HDAC9: variants seen among roughly 807,000 people sequenced by gnomAD.
HDAC9 encodes histone deacetylase 9.
In HDAC9, 41 loss-of-function variants were observed where a neutral mutation model predicts 139.4. The observed-to-expected ratio is 0.29, with a 90% CI of 0.23 to 0.38. The LOEUF is 0.38. Ranked by LOEUF, HDAC9 falls within the 10% of genes least tolerant of loss-of-function variation. The probability of loss-of-function intolerance (pLI) is 1.00; values close to 1 mark genes in which losing one functional copy is unlikely to be tolerated. For synonymous variants in HDAC9, 517 were observed against 476.2 expected, an observed-to-expected ratio of 1.09 and a Z score of -1.12; for missense variants, 1,147 against 1,297.0, an observed-to-expected ratio of 0.88 and a Z score of 1.78.
rs531864628 is a variant in HDAC9 at position 18,790,922 on chromosome 7, C to G, written c.2215-2423C>G. ...TATTATAAAAGTAACCCCCACCCGGCAACTCACAGTAGGTACTCAATGAAT... is the reference window on the plus strand; with the variant it reads ...TATTATAAAAGTAACCCCCACCCGGGAACTCACAGTAGGTACTCAATGAAT... On this transcript the variant is annotated intron_variant, in intron 16 of 25. Coordinates refer to ENST00000686413, the MANE Select transcript of HDAC9 (RefSeq NM_178425.4). Among the ~76,000 whole-genome samples the G allele has an allele frequency of 4.0e-3, 607 of 152,240 alleles. 3 individuals are homozygous for G. Among genetic ancestry groups the G allele is most frequent in the South Asian group, 0.011 (51 of 4,818 alleles).
At chr7:18,097,860 A>G (rs1403304376) in intron 1 of HDAC9, among the ~76,000 whole-genome samples, 2 of 152,154 alleles carry the variant, frequency 1.3e-5, no homozygotes, top group Non-Finnish European at 2.9e-5. Context: ...CACTGCACCC[A>G]GCCTATATTA....
chr7:18,585,609 T>A (rs1184870452), intron 3 of HDAC9, 87 bp downstream of exon 3: 1 of 1,475,004 alleles, frequency 6.8e-7, no homozygotes, highest in East Asian at 2.3e-5. Flanking sequence ...ACTTTGCGGG[T>A]AGATTCACTG....
intron 1 of HDAC9, among the ~76,000 whole-genome samples, chr7:18,129,166 A>G (rs952544694): frequency 9.2e-5 from 14 of 152,188 alleles, no homozygotes; most frequent in Admixed American, 5.9e-4. Flanking sequence ...GTCACTGAAT[A>G]GATTTCATTA....
chr7:18,180,207 G>A lies in HDAC9; in HGVS notation c.25+17858G>A, dbSNP rs148190239. Reference sequence around the variant, plus strand: ...TTTGTCATGCCAGCATTTCTTGTGAGCACCCTCCCCAAGACACATACACAC... The same window carrying A: ...TTTGTCATGCCAGCATTTCTTGTGAACACCCTCCCCAAGACACATACACAC... On this transcript the variant is annotated intron_variant, in intron 2 of 12. Coordinates refer to the HDAC9 transcript ENST00000417496. 9.5e-3 allele frequency among the ~76,000 whole-genome samples: 1,398 copies of A among 146,598 alleles called. 7 individuals are homozygous for A. The highest frequency in any genetic ancestry group is 0.017 in the Non-Finnish European group (1,112 of 67,124).
intron 1 of HDAC9, among the ~76,000 whole-genome samples, chr7:18,386,249 A>G (rs1187252666): frequency 6.6e-6 from 1 of 152,178 alleles, no homozygotes; most frequent in Non-Finnish European, 1.5e-5. Flanking sequence ...TGGCAGCCCC[A>G]TAATGTGCAC....
At chr7:18,940,447 G>A (rs960748589) in intron 23 of HDAC9, among the ~76,000 whole-genome samples, 3 of 151,998 alleles carry the variant, frequency 2.0e-5, no homozygotes, top group African/African-American at 7.2e-5. Context: ...CTTTTTCTTG[G>A]CAAAGTTTAG....
intron 2 of HDAC9, among the ~76,000 whole-genome samples, chr7:18,219,582 G>C (rs765970417): frequency 1.3e-5 from 2 of 151,990 alleles, no homozygotes; most frequent in Non-Finnish European, 2.9e-5. Flanking sequence ...ATTGAGAGTT[G>C]TCTAGTCTGA....
chr7:18,372,984 T>A (rs1351898651), intron 1 of HDAC9, among the ~76,000 whole-genome samples: 1 of 152,106 alleles, frequency 6.6e-6, no homozygotes, highest in Admixed American at 6.6e-5. Context: ...AAGACTTGAG[T>A]TTTTTAGCCT....
chr7:18,170,015 G>A (rs934413473), intron 2 of HDAC9, among the ~76,000 whole-genome samples: 4 of 152,172 alleles, frequency 2.6e-5, no homozygotes, highest in African/African-American at 9.7e-5. Flanking sequence ...TCTAGTTCTA[G>A]ATCCTTGAGG....
chr7:18,995,208 A>C (rs1464273220), intron 25 of HDAC9, among the ~76,000 whole-genome samples: 1 of 152,188 alleles, frequency 6.6e-6, no homozygotes, highest in African/African-American at 2.4e-5. Flanking sequence ...AAATTAACAA[A>C]TGGCAGAGCT....
chr7:18,358,104 A>ACC lies in HDAC9; in HGVS notation c.-42+67590_-42+67591insCC, dbSNP rs1783471394. ...CTCGGGAGGCTGACGCAGGAGCATC[A>ACC]CTTGAACCCCGGAGGCAGAGGTTGC... On this transcript the variant is annotated intron_variant, in intron 1 of 3. Coordinates refer to the HDAC9 transcript ENST00000413509. Among the ~76,000 whole-genome samples the ACC allele has an allele frequency of 3.3e-5, 5 of 152,224 alleles. No individual in the cohort carries two copies. The East Asian group carries it at 9.7e-4, about 29-fold the overall frequency.
intron 1 of HDAC9, among the ~76,000 whole-genome samples, chr7:18,304,066 G>A (rs1022843177): frequency 6.6e-6 from 1 of 152,210 alleles, no homozygotes; most frequent in Non-Finnish European, 1.5e-5. Context: ...CGTTGACCTG[G>A]GCTCTGCCCA....
In HDAC9 at chr7:18,935,957, G is replaced by A. The variant is rs111275950; in HGVS notation, c.2937+15G>A. ...TAGGAAATGAGGTAAAAAAGTAAAA[G>A]TACAAAGGGGCAGGGGTAAAGAATC... On this transcript the variant is annotated intron_variant, in intron 23 of 25. Coordinates refer to ENST00000686413, the MANE Select transcript of HDAC9 (RefSeq NM_178425.4). The A allele has an allele frequency of 3.4e-5, 54 of 1,608,800 alleles. No individual in the cohort carries two copies. The highest frequency in any genetic ancestry group is 3.2e-4 in the African/African-American group (24 of 74,862).
At chr7:18,809,698 C>G (rs896980763) in intron 17 of HDAC9, among the ~76,000 whole-genome samples, 1 of 151,854 alleles carries the variant, frequency 6.6e-6, no homozygotes, top group African/African-American at 2.4e-5. Flanking sequence ...GTTGGGATGG[C>G]TGTAATTTAA....
chr7:18,412,017 G>A (rs1165538820), intron 1 of HDAC9, among the ~76,000 whole-genome samples: 3 of 151,534 alleles, frequency 2.0e-5, no homozygotes, highest in Non-Finnish European at 4.4e-5. Flanking sequence ...TGGTAGAGAA[G>A]GGGTTTCACT....
At chr7:18,843,607 TCA>T (rs1277871143) in intron 21 of HDAC9, among the ~76,000 whole-genome samples, 2 of 152,120 alleles carry the variant, frequency 1.3e-5, no homozygotes. Flanking sequence ...ATCCTTTACT[TCA>T]TTGAACAGCT....
At chr7:18,333,169 T>C (rs1258653594) in intron 1 of HDAC9, among the ~76,000 whole-genome samples, 1 of 151,486 alleles carries the variant, frequency 6.6e-6, no homozygotes, top group African/African-American at 2.4e-5. Context: ...TAAAAACTAC[T>C]GAGTCAGAGG....
chr7:18,745,108 G>T (rs1359273253), intron 13 of HDAC9, among the ~76,000 whole-genome samples: 1 of 152,164 alleles, frequency 6.6e-6, no homozygotes, highest in East Asian at 1.9e-4. Context: ...GCAAAGAAAA[G>T]AGCAGGCTTA....
intron 2 of HDAC9, among the ~76,000 whole-genome samples, chr7:18,540,547 T>C (rs2128613932): frequency 6.6e-6 from 1 of 152,276 alleles, no homozygotes; most frequent in South Asian, 2.1e-4. Flanking sequence ...AGTTATTGCA[T>C]GAAGTCAGGG....
Sources: allele counts gnomAD v4.1 joint callset (sites outside exome capture counted in the v4.1 genomes callset), GRCh38; gene constraint gnomAD v4.1.1; transcripts MANE v1.5; gene names NCBI Gene and HGNC (gene_info 2026-07-23, HGNC 2026-07-21).